Variants in MKX observed in about 807,000 individuals in gnomAD.
MKX encodes mohawk homeobox, also known as homeobox protein Mohawk.
Under a neutral mutation model 36.0 loss-of-function variants are expected in MKX, and 13 were observed. That is an observed-to-expected ratio of 0.36 (90% CI 0.24 to 0.57). MKX has a LOEUF of 0.57. Ranked by LOEUF, MKX falls within the 20% of genes least tolerant of loss-of-function variation. The pLI, the probability that MKX is intolerant of heterozygous loss-of-function variation, is 0.79. For missense variants in MKX, 458 were observed against 456.4 expected (o/e 1.00, Z -0.03); for synonymous variants, 176 against 178.3 (o/e 0.99, Z 0.10).
At chr10:27,740,491 C>T (rs554455263) in intron 3 of MKX, among the ~76,000 whole-genome samples, 18 of 152,196 alleles carry the variant, frequency 1.2e-4, no homozygotes, top group African/African-American at 4.1e-4. Context: ...TTTACTGACA[C>T]AACTGCCCCA....
At chr10:27,708,561 C>G (rs940603609) in intron 5 of MKX, among the ~76,000 whole-genome samples, 1 of 152,094 alleles carries the variant, frequency 6.6e-6, no homozygotes, top group Non-Finnish European at 1.5e-5. Context: ...GAAACCCCAT[C>G]TCCTTTAAAA....
At position 27,734,583 on chromosome 10, in the gene MKX, C is replaced by T; in HGVS notation, c.711G>A (p.Thr237=). 1 of 1,614,108 alleles carries T rather than the reference C, an allele frequency of 6.2e-7. No individual in the cohort carries two copies. Among genetic ancestry groups the T allele is most frequent in the Non-Finnish European group, 8.5e-7 (1 of 1,180,012 alleles). ...LNDSLRHVMA[T]NTTMMGKTRQ... is the part of the protein sequence containing the mutation. ...TTGTTTTTCCCATCATGGTAGTGTT[C>T]GTGGCCATGACATGTCTCAAAGAGT... is the stretch of plus-strand genomic sequence containing the variant. Residue 237 remains threonine, a synonymous_variant, in exon 5 of 7, where the codon ACG becomes ACA. Transcript: ENST00000419761.
At chr10:27,699,500 A>G (rs1055920724) in intron 5 of MKX, among the ~76,000 whole-genome samples, 3 of 152,272 alleles carry the variant, frequency 2.0e-5, no homozygotes, top group Admixed American at 1.3e-4. Context: ...CAGATGCTTC[A>G]TGAAGAACGA....
chr10:27,696,788 G>A (rs1263625931), intron 5 of MKX, among the ~76,000 whole-genome samples: 1 of 152,050 alleles, frequency 6.6e-6, no homozygotes, highest in Non-Finnish European at 1.5e-5. Context: ...AATCATATAG[G>A]TATGTGACAG....
intron 5 of MKX, among the ~76,000 whole-genome samples, chr10:27,706,240 A>AATATATATATATATTG (rs1836753581): frequency 6.6e-6 from 1 of 150,426 alleles, no homozygotes; most frequent in Non-Finnish European, 1.5e-5. Flanking sequence ...ATAATATTCA[A>AATATATATATATATTG]ATATATATAT....
intron 5 of MKX, among the ~76,000 whole-genome samples, chr10:27,688,747 T>C (rs376197369): frequency 6.6e-6 from 1 of 152,210 alleles, no homozygotes; most frequent in Non-Finnish European, 1.5e-5. Context: ...CTTAGCTAAA[T>C]CTTAATTTTG....
At chr10:27,711,749 ACT>A (rs1491031254) in intron 5 of MKX, among the ~76,000 whole-genome samples, 1 of 121,096 alleles carries the variant, frequency 8.3e-6, no homozygotes, top group Non-Finnish European at 1.7e-5. Context: ...AATTTTTAAA[ACT>A]CTTTTTTTTT....
intron 5 of MKX, among the ~76,000 whole-genome samples, chr10:27,685,443 ATTTTTTTT>A (rs529959736): frequency 1.8e-5 from 2 of 112,828 alleles, no homozygotes; most frequent in Non-Finnish European, 3.6e-5. Context: ...CAGCAGAGTG[ATTTTTTTT>A]TTTTTTTTTT....
At chr10:27,713,849 T>C (rs1419761957) in intron 5 of MKX, among the ~76,000 whole-genome samples, 1 of 152,074 alleles carries the variant, frequency 6.6e-6, no homozygotes, top group Non-Finnish European at 1.5e-5. Flanking sequence ...CTTCTTGCCA[T>C]GATAAACAAT....
rs1475594250 is a variant in MKX, at chr10:27,744,550, GC to G, written c.-82-1054del. On this transcript the variant is annotated intron_variant, in intron 1 of 6. Coordinates refer to ENST00000419761, the MANE Select transcript of MKX (RefSeq NM_173576.3). This position sits in a 1 kb window ranked among gnomAD's most constrained non-coding sequence, Gnocchi z 5.6. ...GCGGCCGCGGAGCCGCAGAGTTACA[GC>G]CCCAAGGCGCGCGGCGGACTTCGCC... Among the ~76,000 whole-genome samples the G allele has an allele frequency of 1.3e-5, 2 of 152,050 alleles. No homozygotes were observed. The highest frequency in any genetic ancestry group is 1.9e-4 in the East Asian group (1 of 5,154).
intron 5 of MKX, among the ~76,000 whole-genome samples, chr10:27,733,700 G>C (rs1390570707): frequency 6.6e-6 from 1 of 152,144 alleles, no homozygotes; most frequent in Non-Finnish European, 1.5e-5. Flanking sequence ...CATATTCCTT[G>C]TTCCAAAGTC....
chr10:27,735,104 A>C, intron 4 of MKX, 117 bp downstream of exon 4: 1 of 967,746 alleles, frequency 1.0e-6, no homozygotes, highest in Middle Eastern at 2.7e-4. Flanking sequence ...TTCATGCAAT[A>C]AAAAAGAACC....
intron 5 of MKX, among the ~76,000 whole-genome samples, chr10:27,720,076 T>C (rs111927847): frequency 0.025 from 3,706 of 151,256 alleles, 161 homozygotes; most frequent in African/African-American, 0.085. Context: ...ATCTAGAAGA[T>C]AAAGCTAAAA....
intron 5 of MKX, among the ~76,000 whole-genome samples, chr10:27,676,106 C>CTAAAAA (rs1442600091): frequency 6.6e-6 from 1 of 152,026 alleles, no homozygotes; most frequent in East Asian, 1.9e-4. Context: ...CTCATCTCTA[C>CTAAAAA]TAAAAATAAA....
Position 27,743,422 on chromosome 10 carries a change from G to C in MKX, c.-7C>G, listed in dbSNP as rs774954228. 7.1e-6 allele frequency: 11 copies of C among 1,540,710 alleles called. No individual in the cohort carries two copies. Among genetic ancestry groups the C allele is most frequent in the East Asian group, 2.5e-5 (1 of 40,016 alleles). ...TGAAGACGATGGTGTTCATGGTGTC[G>C]GTTGGTAGGGACGCGCGGCGCGGCC... is the stretch of plus-strand genomic sequence containing the variant. On this transcript the variant is annotated 5_prime_UTR_variant, in exon 2 of 7. Coordinates refer to ENST00000419761, the MANE Select transcript of MKX (RefSeq NM_173576.3).
At chr10:27,687,624 A>G (rs1005391007) in intron 5 of MKX, among the ~76,000 whole-genome samples, 13 of 152,202 alleles carry the variant, frequency 8.5e-5, no homozygotes, top group Admixed American at 8.5e-4. Context: ...ACTTAAAAGT[A>G]GCTTTTCAGA....
intron 3 of MKX, 93 bp from the exon 4 acceptor site, chr10:27,735,467 C>A (rs1589695321): frequency 2.1e-6 from 2 of 932,490 alleles, no homozygotes; most frequent in East Asian, 5.2e-5. Context: ...TCTCTCAGCA[C>A]CTCTGATCAT....
At chr10:27,730,665 C>T (rs1175340925) in intron 5 of MKX, among the ~76,000 whole-genome samples, 4 of 151,690 alleles carry the variant, frequency 2.6e-5, no homozygotes, top group African/African-American at 4.8e-5. Context: ...ACCATATTGG[C>T]CAGGCTGGTC....
At chr10:27,679,647 C>T (rs1245066330) in intron 5 of MKX, among the ~76,000 whole-genome samples, 1 of 152,168 alleles carries the variant, frequency 6.6e-6, no homozygotes, top group Non-Finnish European at 1.5e-5. Flanking sequence ...AAAGCAAGGA[C>T]TCTAAAGATC....
Sources: allele counts gnomAD v4.1 joint callset (sites outside exome capture counted in the v4.1 genomes callset), GRCh38; gene constraint gnomAD v4.1.1; non-coding constraint Gnocchi (gnomAD v3.1); transcripts MANE v1.5; gene names NCBI Gene and HGNC (gene_info 2026-07-23, HGNC 2026-07-21).